The following ITCH variants were observed in gnomAD, a reference collection of about 807,000 sequenced individuals.
The protein encoded by ITCH is E3 ubiquitin-protein ligase Itchy homolog.
Under a neutral mutation model 126.8 loss-of-function variants are expected in ITCH, and 28 were observed. The observed-to-expected ratio is 0.22, with a 90% CI of 0.16 to 0.30. The LOEUF (loss-of-function observed/expected upper bound fraction) is 0.30, where lower values mean the gene tolerates loss of function less well. Among genes scored for constraint, ITCH ranks in the 10% least tolerant of loss-of-function variants. ITCH has a pLI of 1.00. For missense variants in ITCH, 631 were observed against 1,032.4 expected (o/e 0.61, Z 5.33); for synonymous variants, 342 against 340.0 (o/e 1.01, Z -0.06).
chr20:34,472,388 A>AC (rs1555881592), intron 16 of ITCH, among the ~76,000 whole-genome samples: 25 of 47,288 alleles, frequency 5.3e-4, no homozygotes, highest in African/African-American at 1.5e-3. Context: ...AAAAAAAAAA[A>AC]AAAAAAAAAC....
chr20:34,426,915 C>T (rs892007305), intron 7 of ITCH, among the ~76,000 whole-genome samples: 1 of 151,974 alleles, frequency 6.6e-6, no homozygotes, highest in East Asian at 1.9e-4. Context: ...GCTGGGATTA[C>T]AGGCACCCGC....
intron 4 of ITCH, among the ~76,000 whole-genome samples, chr20:34,411,726 A>G (rs1264735330): frequency 6.6e-6 from 1 of 152,196 alleles, no homozygotes; most frequent in East Asian, 1.9e-4. Context: ...ATTTGTCTTT[A>G]TATCATTGAA....
Position 34,471,518 on chromosome 20 carries a change from A to G in ITCH, c.1569+3A>G, listed in dbSNP as rs1987615283. The G allele has an allele frequency of 6.4e-7, 1 of 1,565,900 alleles. No individual in the cohort carries two copies. The stretch of plus-strand genomic sequence containing the variant: ...TGTTTGAGGATTCCTTTCAACAGGT[A>G]CTGTTTCATTCTCTCAATAATTTCC... On this transcript the variant is annotated splice_donor_region_variant and intron_variant, in intron 16 of 24. Coordinates refer to ENST00000374864, the MANE Select transcript of ITCH (RefSeq NM_031483.7).
At chr20:34,432,259 A>G (rs1982407477) in intron 7 of ITCH, among the ~76,000 whole-genome samples, 1 of 152,146 alleles carries the variant, frequency 6.6e-6, no homozygotes, top group Non-Finnish European at 1.5e-5. Flanking sequence ...CCTCTAGAAG[A>G]AAATATGAAT....
At chr20:34,384,279 C>CTTTTTTTT (rs35124886) in intron 2 of ITCH, 2 of 103,810 alleles carry the variant, frequency 1.9e-5, no homozygotes, top group Non-Finnish European at 3.6e-5. Context: ...GCCTGTAATT[C>CTTTTTTTT]TTTTTTTTTT....
intron 1 of ITCH, among the ~76,000 whole-genome samples, chr20:34,365,292 C>T (rs899803673): frequency 6.6e-6 from 1 of 152,024 alleles, no homozygotes; most frequent in African/African-American, 2.4e-5. Context: ...AAAAGGAATT[C>T]CATTACATTC....
intron 23 of ITCH, among the ~76,000 whole-genome samples, chr20:34,495,675 C>G (rs1043056265): frequency 1.3e-5 from 2 of 151,934 alleles, no homozygotes; most frequent in African/African-American, 2.4e-5. Context: ...TTTTCTTTAT[C>G]CGTTTACCTG....
At chr20:34,397,148 A>G (rs547144920) in intron 3 of ITCH, among the ~76,000 whole-genome samples, 31 of 151,886 alleles carry the variant, frequency 2.0e-4, no homozygotes, top group African/African-American at 7.5e-4. Flanking sequence ...TCAGCCTCCC[A>G]AGTAGCTGGG....
rs771958532 is a variant in ITCH, at chr20:34,412,495, C to T, written c.213-20C>T. 1.9e-6 allele frequency: 3 copies of T among 1,544,146 alleles called. No individual in the cohort carries two copies. In the South Asian group the frequency reaches 3.4e-5, roughly 17 times the overall value. On this transcript the variant is annotated intron_variant, in intron 4 of 24. Transcript: ENST00000374864. ...ATATTCAATAAAAATAATATTTTTT[C>T]CCTCTTTTTTCACTTTTAGTATCGT...
intron 5 of ITCH, among the ~76,000 whole-genome samples, chr20:34,413,344 C>T (rs574677205): frequency 6.6e-6 from 1 of 152,172 alleles, no homozygotes; most frequent in African/African-American, 2.4e-5. Context: ...AAACATACTT[C>T]TAAAAATTTT....
chr20:34,390,443 C>CTTTTTT (rs546555130), intron 2 of ITCH, among the ~76,000 whole-genome samples: 26 of 90,788 alleles, frequency 2.9e-4, no homozygotes, highest in Non-Finnish European at 4.2e-4. Context: ...CAAGAATAAT[C>CTTTTTT]TTTTTTTTTT....
chr20:34,436,005 G>A (rs6120644), intron 7 of ITCH, among the ~76,000 whole-genome samples: 67,991 of 151,896 alleles, frequency 0.45, 15,766 homozygotes, highest in Non-Finnish European at 0.5. Flanking sequence ...GGAGTTGTAC[G>A]GGTTATCAGA....
chr20:34,373,995 CT>C (rs2037741395), intron 2 of ITCH, among the ~76,000 whole-genome samples: 1 of 152,100 alleles, frequency 6.6e-6, no homozygotes, highest in Admixed American at 6.6e-5. Context: ...AGCGATTCCC[CT>C]GCCTCAGCCT....
chr20:34,452,758 A>G (rs1985418246), intron 12 of ITCH, among the ~76,000 whole-genome samples: 1 of 152,158 alleles, frequency 6.6e-6, no homozygotes, highest in Non-Finnish European at 1.5e-5. Context: ...TGCACACTAC[A>G]GCTTTGAACT....
chr20:34,378,753 A>G (rs953762850), intron 2 of ITCH, among the ~76,000 whole-genome samples: 2 of 152,154 alleles, frequency 1.3e-5, no homozygotes, highest in Non-Finnish European at 2.9e-5. Flanking sequence ...TCATTTAATT[A>G]TAGCTGTTTT....
intron 2 of ITCH, among the ~76,000 whole-genome samples, chr20:34,373,758 G>A (rs1049801463): frequency 6.6e-5 from 10 of 152,076 alleles, no homozygotes; most frequent in Non-Finnish European, 1.2e-4. Context: ...TACAGGTTAA[G>A]AATTCATCTA....
intron 8 of ITCH, among the ~76,000 whole-genome samples, chr20:34,439,306 C>T (rs969439377): frequency 6.6e-6 from 1 of 152,120 alleles, no homozygotes; most frequent in Non-Finnish European, 1.5e-5. Flanking sequence ...GACAGGGTCT[C>T]ACTCTGTCAC....
chr20:34,507,629 A>C, intron 24 of ITCH, 66 bp from the exon 25 acceptor site: 1 of 1,155,584 alleles, frequency 8.7e-7, no homozygotes. Flanking sequence ...ATAAAGTAGT[A>C]TACTACACTA....
chr20:34,391,225 T>C (rs1377766549), intron 2 of ITCH, among the ~76,000 whole-genome samples: 1 of 152,226 alleles, frequency 6.6e-6, no homozygotes, highest in African/African-American at 2.4e-5. Context: ...TTTTTAGAAC[T>C]TCAAACAATA....
Sources: gnomAD v4.1 joint callset for allele counts (sites outside exome capture counted in the v4.1 genomes callset) on GRCh38, gnomAD v4.1.1 for gene constraint, MANE v1.5 for transcripts, NCBI Gene and HGNC (gene_info 2026-07-23, HGNC 2026-07-21) for gene names.